The following SUFU variants were observed in gnomAD, a reference collection of about 807,000 sequenced individuals.
SUFU encodes suppressor of fused homolog.
A neutral mutation model predicts 58.9 loss-of-function variants in SUFU; 7 were observed. The ratio of observed to expected loss-of-function variants is 0.12; its 90% CI spans 0.07 to 0.22. SUFU has a LOEUF of 0.22. Ranked by LOEUF, SUFU falls within the 10% of genes least tolerant of loss-of-function variation. SUFU has a pLI of 1.00. For missense variants in SUFU, 451 were observed against 641.3 expected (o/e 0.70, Z 3.20); for synonymous variants, 232 against 254.8 (o/e 0.91, Z 0.85).
chr10:102,563,976 C>G (rs1334038833), intron 3 of SUFU, among the ~76,000 whole-genome samples: 2 of 152,150 alleles, frequency 1.3e-5, no homozygotes, highest in Non-Finnish European at 2.9e-5. Flanking sequence ...CAAGCCTGCT[C>G]TATCCTGAGG....
intron 3 of SUFU, chr10:102,573,360 AT>A (rs1185428860): frequency 1.2e-5 from 5 of 410,292 alleles, no homozygotes; most frequent in African/African-American, 1.0e-4. Flanking sequence ...ATGTGAAGAA[AT>A]TGGCACCCTT....
intron 2 of SUFU, among the ~76,000 whole-genome samples, chr10:102,524,684 T>A (rs940761005): frequency 1.3e-5 from 2 of 152,234 alleles, no homozygotes; most frequent in South Asian, 2.1e-4. Context: ...AATTTTTTTT[T>A]AAATTACCAT....
intron 2 of SUFU, among the ~76,000 whole-genome samples, chr10:102,529,746 A>T (rs11191319): frequency 6.6e-6 from 1 of 152,172 alleles, no homozygotes; most frequent in African/African-American, 2.4e-5. Context: ...AGAGATCAAG[A>T]CCATCCTGGC....
At chr10:102,605,558 G>T (rs547803920) in intron 8 of SUFU, among the ~76,000 whole-genome samples, 12 of 152,266 alleles carry the variant, frequency 7.9e-5, no homozygotes. Flanking sequence ...TTCACCTTTT[G>T]TGGCCTTTTA....
chr10:102,508,876 C>T (rs1423586351), intron 1 of SUFU, among the ~76,000 whole-genome samples: 2 of 152,130 alleles, frequency 1.3e-5, no homozygotes, highest in Non-Finnish European at 1.5e-5. Context: ...CATTTGGGAT[C>T]GGTAATTTGA....
Position 102,514,978 on chromosome 10 carries a change from G to A in SUFU, c.317+5675G>A, listed in dbSNP as rs889673372. Among the ~76,000 whole-genome samples, 3 of 152,224 alleles carry A rather than the reference G, an allele frequency of 2.0e-5. No individual in the cohort carries two copies. The South Asian group carries it at 6.2e-4, about 31-fold the overall frequency. Reference sequence around the variant, plus strand: ...GCCTTTGTGTGGAGTTGGCCCAAAAGCATGGGTCATGCCCATGCCTCACCA... The same window carrying A: ...GCCTTTGTGTGGAGTTGGCCCAAAAACATGGGTCATGCCCATGCCTCACCA... On this transcript the variant is annotated intron_variant, in intron 2 of 11. Transcript: ENST00000369902.
chr10:102,538,829 A>G (rs912107475), intron 2 of SUFU, among the ~76,000 whole-genome samples: 1 of 152,228 alleles, frequency 6.6e-6, no homozygotes, highest in African/African-American at 2.4e-5. Flanking sequence ...TTACAGATGA[A>G]GAAACTGAGG....
Position 102,631,940 on chromosome 10 carries a change from C to T in SUFU, c.*1785C>T, listed in dbSNP as rs1047091410. The T allele has an allele frequency of 8.6e-6, 2 of 233,374 alleles. No individual in the cohort carries two copies. The highest frequency in any genetic ancestry group is 1.7e-5 in the Non-Finnish European group (2 of 118,094). 14.5% of individuals were successfully genotyped at this position (233,374 alleles called of 1,614,324 possible). ...AGCTGTGCCTCTACTGCCCTGAGGA[C>T]TTACCAGAGGGAGCCCTACTGGCCT... On this transcript the variant is annotated 3_prime_UTR_variant, in exon 12 of 12. Coordinates refer to ENST00000369902, the MANE Select transcript of SUFU (RefSeq NM_016169.4).
chr10:102,568,894 A>T (rs1590038843), intron 3 of SUFU, among the ~76,000 whole-genome samples: 1 of 24,580 alleles, frequency 4.1e-5, no homozygotes, highest in African/African-American at 2.2e-4. Flanking sequence ...AAAAAAAAAA[A>T]AAAATATATA....
chr10:102,534,293 G>T (rs943734663), intron 2 of SUFU, among the ~76,000 whole-genome samples: 1 of 152,234 alleles, frequency 6.6e-6, no homozygotes, highest in Non-Finnish European at 1.5e-5. Flanking sequence ...CCGGTGTGGT[G>T]GCAGGTGCCT....
chr10:102,563,271 G>A (rs10786684), intron 3 of SUFU, among the ~76,000 whole-genome samples: 7 of 152,054 alleles, frequency 4.6e-5, no homozygotes, highest in African/African-American at 1.4e-4. Context: ...TTCCACTGCC[G>A]TTAGCTAGTA....
chr10:102,560,311 T>TA (rs2063023916), intron 3 of SUFU, among the ~76,000 whole-genome samples: 1 of 152,150 alleles, frequency 6.6e-6, no homozygotes. Context: ...GGCTCACACC[T>TA]GTAATCCCAG....
intron 10 of SUFU, among the ~76,000 whole-genome samples, chr10:102,623,795 C>G (rs2063762631): frequency 2.0e-5 from 3 of 152,150 alleles, no homozygotes; most frequent in Admixed American, 2.0e-4. Flanking sequence ...CAAAAATTAG[C>G]CGGACATGGT....
In SUFU at chr10:102,619,295, C is replaced by T; in HGVS notation, c.1296+1867C>T. ...GGGTTCCCACTCCCAGTGCCACAAC[C>T]CCCTCACCTCCCTGGCAGCCCCTCA... On this transcript the variant is annotated intron_variant, in intron 10 of 11. Coordinates refer to ENST00000369902, the MANE Select transcript of SUFU (RefSeq NM_016169.4). The surrounding 1 kb of genome is among the most constrained non-coding windows in gnomAD (Gnocchi z 4.2). The T allele has an allele frequency of 6.9e-7, 1 of 1,444,028 alleles. No individual in the cohort carries two copies. Among genetic ancestry groups the T allele is most frequent in the South Asian group, 1.5e-5 (1 of 68,674 alleles). The allele number at this position is 1,444,028 out of a possible 1,614,324, so 89.5% of individuals were successfully genotyped here. A position where few individuals can be genotyped will look rare whatever the true frequency, so the allele number is the denominator to read the frequency against.
At chr10:102,603,840 A>T (rs1284207708) in intron 8 of SUFU, among the ~76,000 whole-genome samples, 1 of 152,170 alleles carries the variant, frequency 6.6e-6, no homozygotes, top group African/African-American at 2.4e-5. Flanking sequence ...AATACCTTGT[A>T]ACCTGGCCAG....
chr10:102,626,634 A>C (rs1246856954), intron 10 of SUFU, among the ~76,000 whole-genome samples: 1 of 151,964 alleles, frequency 6.6e-6, no homozygotes, highest in Non-Finnish European at 1.5e-5. Flanking sequence ...GTAAAATGAG[A>C]CGTTGGTCCA....
Position 102,633,335 on chromosome 10 carries a change from C to G in SUFU, c.*3180C>G, listed in dbSNP as rs570693168. ...TTTAATGTCAGTGGCGACTCGGTTC[C>G]TGGGGCTGCAGCCAGCCTGGGACTT... On this transcript the variant is annotated 3_prime_UTR_variant, in exon 12 of 12. Transcript: ENST00000369902. 8.6e-6 allele frequency: 2 copies of G among 233,352 alleles called. No homozygotes were observed. Among genetic ancestry groups the G allele is most frequent in the South Asian group, 3.6e-4 (2 of 5,530 alleles). The allele number at this position is 233,352 out of a possible 1,614,324, so 14.5% of individuals were successfully genotyped here.
intron 2 of SUFU, among the ~76,000 whole-genome samples, chr10:102,536,738 T>C (rs1232596183): frequency 1.3e-5 from 2 of 152,214 alleles, no homozygotes; most frequent in African/African-American, 4.8e-5. Flanking sequence ...AATCATACTT[T>C]ATGTTGAATT....
chr10:102,509,064 GT>G (rs1335523543), intron 1 of SUFU, 104 bp from the exon 2 acceptor site: 1 of 1,504,338 alleles, frequency 6.6e-7, no homozygotes, highest in Non-Finnish European at 9.2e-7. Flanking sequence ...TTTCACCCAG[GT>G]TCCTCCAGGA....
Sources: allele counts gnomAD v4.1 joint callset (sites outside exome capture counted in the v4.1 genomes callset), GRCh38; gene constraint gnomAD v4.1.1; non-coding constraint Gnocchi (gnomAD v3.1); transcripts MANE v1.5; gene names NCBI Gene and HGNC (gene_info 2026-07-23, HGNC 2026-07-21).